The following SAP130 variants were observed in gnomAD, a reference collection of about 807,000 sequenced individuals.
SAP130 encodes the protein histone deacetylase complex subunit SAP130.
Under a neutral mutation model 103.2 loss-of-function variants are expected in SAP130, and 16 were observed. The observed-to-expected ratio is 0.16, with a 90% CI of 0.10 to 0.24. SAP130 has a LOEUF of 0.24. Among genes scored for constraint, SAP130 ranks in the 10% least tolerant of loss-of-function variants. The pLI is 1.00. For synonymous variants in SAP130, 477 were observed against 497.0 expected, an observed-to-expected ratio of 0.96 and a Z score of 0.53; for missense variants, 990 against 1,359.7, an observed-to-expected ratio of 0.73 and a Z score of 4.28.
chr2:127,996,931 A>C lies in SAP130; in HGVS notation c.1214-440T>G. On this transcript the variant is annotated intron_variant, in intron 10 of 20. Coordinates refer to ENST00000643581, the MANE Select transcript of SAP130 (RefSeq NM_001330301.2). This position sits in a 1 kb window ranked among gnomAD's most constrained non-coding sequence, Gnocchi z 4.3. ...GACCCTGTCTCAAAATAAATAAATA[A>C]ACACACAATTTTGGATTAAAAAACG... 6.6e-6 allele frequency among the ~76,000 whole-genome samples: 1 copy of C among 152,154 alleles called. No homozygotes were observed. The highest frequency in any genetic ancestry group is 1.9e-4 in the East Asian group (1 of 5,198).
intron 2 of SAP130, among the ~76,000 whole-genome samples, chr2:128,022,179 T>C (rs1685205477): frequency 6.6e-6 from 1 of 152,234 alleles, no homozygotes. Context: ...TAGTCTTTTC[T>C]GGAATTTCAC....
intron 7 of SAP130, among the ~76,000 whole-genome samples, chr2:128,002,089 G>A (rs1020961410): frequency 2.0e-5 from 3 of 152,086 alleles, no homozygotes; most frequent in African/African-American, 4.8e-5. Context: ...ACAATGCCTG[G>A]CTAATTTTTG....
intron 11 of SAP130, among the ~76,000 whole-genome samples, chr2:127,995,254 G>T (rs1482022911): frequency 6.6e-6 from 1 of 152,186 alleles, no homozygotes; most frequent in Non-Finnish European, 1.5e-5. Flanking sequence ...AATGACAAGG[G>T]GCTCCTTGGA....
intron 15 of SAP130, among the ~76,000 whole-genome samples, chr2:127,972,168 G>A (rs1176952728): frequency 6.6e-6 from 1 of 152,176 alleles, no homozygotes; most frequent in Non-Finnish European, 1.5e-5. Flanking sequence ...GCAAATCCAA[G>A]AAAGAGTCTA....
chr2:127,945,402 G>A (rs1679005877), intron 19 of SAP130, 54 bp downstream of exon 19: 1 of 1,038,676 alleles, frequency 9.6e-7, no homozygotes. Flanking sequence ...TCAGCTATCT[G>A]CAGTGTCTTC....
rs1424933019 is a variant in SAP130, at chr2:127,953,809, C to A, written c.2422+1177G>T. Among the ~76,000 whole-genome samples the A allele has an allele frequency of 6.6e-6, 1 of 152,166 alleles. No homozygotes were observed. On this transcript the variant is annotated intron_variant, in intron 16 of 20. Transcript: ENST00000643581. This position sits in a 1 kb window ranked among gnomAD's most constrained non-coding sequence, Gnocchi z 4.0. ...TAAAACTCTTTACACACATTCCAGC[C>A]CTGGCTACAGCTTTCCTTATATTTT...
At chr2:128,009,503 T>C (rs1353978383) in intron 7 of SAP130, among the ~76,000 whole-genome samples, 2 of 152,054 alleles carry the variant, frequency 1.3e-5, no homozygotes, top group African/African-American at 4.8e-5. Context: ...CAGAATCTAA[T>C]CATGTCTTTC....
chr2:127,957,163 G>A (rs1679899050), intron 15 of SAP130, among the ~76,000 whole-genome samples: 1 of 152,048 alleles, frequency 6.6e-6, no homozygotes, highest in African/African-American at 2.4e-5. Context: ...TTAGCCAGGT[G>A]CACTGGCATA....
At chr2:128,016,861 C>T (rs902542042) in intron 3 of SAP130, among the ~76,000 whole-genome samples, 1 of 152,188 alleles carries the variant, frequency 6.6e-6, no homozygotes, top group Non-Finnish European at 1.5e-5. Context: ...GATGCTGCCT[C>T]CCAAGTTTGG....
At chr2:127,977,958 G>T in intron 15 of SAP130, 27 bp downstream of exon 15, 1 of 1,472,604 alleles carries the variant, frequency 6.8e-7, no homozygotes, top group Non-Finnish European at 9.3e-7. Context: ...GTAAAAGCAA[G>T]AGTGCGAAGA....
chr2:127,962,932 T>C (rs909779637), intron 15 of SAP130, among the ~76,000 whole-genome samples: 2 of 150,652 alleles, frequency 1.3e-5, no homozygotes, highest in African/African-American at 4.9e-5. Context: ...TAGAATAAAC[T>C]AGAAATAATC....
rs1203800680 is a variant in SAP130 at position 127,949,764 on chromosome 2, G to C, written c.2797+105C>G. On this transcript the variant is annotated intron_variant, in intron 18 of 20. Coordinates refer to ENST00000643581, the MANE Select transcript of SAP130 (RefSeq NM_001330301.2). Reference sequence around the variant, plus strand: ...TCAAGATTTTGTAACAAAAACTTATGGTTTTTTTGAAACCGGAAAATTGTG... The same window carrying C: ...TCAAGATTTTGTAACAAAAACTTATCGTTTTTTTGAAACCGGAAAATTGTG... The C allele has an allele frequency of 2.4e-5, 29 of 1,203,302 alleles. No individual in the cohort carries two copies. The East Asian group carries it at 7.2e-4, about 30-fold the overall frequency. 74.5% of individuals were successfully genotyped at this position (1,203,302 alleles called of 1,614,324 possible).
intron 14 of SAP130, among the ~76,000 whole-genome samples, chr2:127,982,791 A>G (rs2104960451): frequency 6.6e-6 from 1 of 152,336 alleles, no homozygotes; most frequent in East Asian, 1.9e-4. Flanking sequence ...AAGTGACCAC[A>G]GACTCTGAAT....
intron 1 of SAP130, among the ~76,000 whole-genome samples, chr2:128,026,898 G>GC (rs1387590400): frequency 6.6e-6 from 1 of 151,886 alleles, no homozygotes; most frequent in Non-Finnish European, 1.5e-5. Flanking sequence ...CCCTAAAATC[G>GC]CCCCCCACTT....
At chr2:127,946,146 C>T (rs1033377709) in intron 18 of SAP130, among the ~76,000 whole-genome samples, 4 of 152,060 alleles carry the variant, frequency 2.6e-5, no homozygotes, top group Non-Finnish European at 5.9e-5. Flanking sequence ...AACATTTTGC[C>T]GGAAGAAGTG....
In SAP130 at chr2:127,955,472, CT is replaced by C. The variant is rs1559037678; in HGVS notation, c.2064-129del. 9.0e-6 allele frequency: 5 copies of C among 555,220 alleles called. No homozygotes were observed. The highest frequency in any genetic ancestry group is 1.9e-5 in the African/African-American group (1 of 51,478). 34.4% of individuals were successfully genotyped at this position (555,220 alleles called of 1,614,324 possible). On this transcript the variant is annotated intron_variant, in intron 15 of 20. Coordinates refer to ENST00000643581, the MANE Select transcript of SAP130 (RefSeq NM_001330301.2). This position sits in a 1 kb window ranked among gnomAD's most constrained non-coding sequence, Gnocchi z 4.9. The stretch of plus-strand genomic sequence containing the variant: ...CACTGCACAATTTATACTCTATTTC[CT>C]TTTTTTAAATTTTTAATTTTAAAAA...
chr2:127,959,489 G>A (rs1399892959), intron 15 of SAP130, among the ~76,000 whole-genome samples: 1 of 152,184 alleles, frequency 6.6e-6, no homozygotes, highest in Non-Finnish European at 1.5e-5. Flanking sequence ...TACTCATGTG[G>A]TATCATCAGA....
chr2:127,990,872 T>A (rs1224317105), intron 12 of SAP130, among the ~76,000 whole-genome samples: 1 of 151,200 alleles, frequency 6.6e-6, no homozygotes, highest in Non-Finnish European at 1.5e-5. Flanking sequence ...AACTCAGGAA[T>A]TTGAGGAGGC....
intron 7 of SAP130, among the ~76,000 whole-genome samples, chr2:128,003,414 G>A (rs1008260245): frequency 8.0e-5 from 12 of 149,620 alleles, no homozygotes; most frequent in South Asian, 2.1e-4. Flanking sequence ...GGCTGAGGTG[G>A]GAGGACAGCT....
Sources: gnomAD v4.1 joint callset for allele counts (sites outside exome capture counted in the v4.1 genomes callset) on GRCh38, gnomAD v4.1.1 for gene constraint, Gnocchi (gnomAD v3.1) non-coding constraint, MANE v1.5 for transcripts, NCBI Gene and HGNC (gene_info 2026-07-23, HGNC 2026-07-21) for gene names.